The following F8 variants were observed in gnomAD, a reference collection of about 807,000 sequenced individuals.
The protein encoded by F8 is antihemophilic factor.
F8 carries 12 observed loss-of-function variants against 140.6 expected under a neutral mutation model. The ratio of observed to expected loss-of-function variants is 0.09; its 90% CI spans 0.05 to 0.14. F8 has a LOEUF of 0.14. Among genes scored for constraint, F8 ranks in the 10% least tolerant of loss-of-function variants. The pLI is 1.00. For missense variants in F8, 1,354 were observed against 1,720.7 expected, an observed-to-expected ratio of 0.79 and a Z score of 3.77; for synonymous variants, 585 against 614.6, an observed-to-expected ratio of 0.95 and a Z score of 0.71.
chrX:154,971,715 A>C (rs1490272944), intron 6 of F8, among the ~76,000 whole-genome samples: 1 of 111,455 alleles, frequency 9.0e-6, no homozygotes, highest in African/African-American at 3.3e-5. Context: ...TAGAATCACT[A>C]ATCTCAACTA....
chrX:154,976,504 A>ATAG (rs1557282993), intron 6 of F8, among the ~76,000 whole-genome samples: 1 of 110,530 alleles, frequency 9.0e-6, no homozygotes, highest in African/African-American at 3.3e-5. Flanking sequence ...TACATGTGCC[A>ATAG]TGCTGGTGCA....
chrX:154,871,149 T>A (rs2072770978), intron 22 of F8, among the ~76,000 whole-genome samples: 1 of 111,922 alleles, frequency 8.9e-6, no homozygotes, highest in African/African-American at 3.2e-5. Flanking sequence ...TTCAATGCCA[T>A]CTCCATCAAG....
At chrX:154,979,154 T>C (rs1376890007) in intron 6 of F8, among the ~76,000 whole-genome samples, 1 of 111,980 alleles carries the variant, frequency 8.9e-6, no homozygotes, top group Non-Finnish European at 1.9e-5. Flanking sequence ...AGTGGCATGG[T>C]TGATGGCAAT....
At position 154,984,726 on chromosome X, in the gene F8, T is replaced by G; in HGVS notation, c.748A>C (p.Met250Leu). The G allele has an allele frequency of 1.7e-6, 2 of 1,211,167 alleles. No individual in the cohort carries two copies. The highest frequency in any genetic ancestry group is 3.5e-5 in the South Asian group (2 of 56,979). Reference protein sequence around the residue: ...DAASARAWPKMHTVNGYVNRS... With the variant: ...DAASARAWPKLHTVNGYVNRS... Reference sequence around the variant, plus strand: ...TTTACATAACCATTGACTGTGTGCATTTTAGGCCAGGCCCGAGCAGATGCA... The same window carrying G: ...TTTACATAACCATTGACTGTGTGCAGTTTAGGCCAGGCCCGAGCAGATGCA... Residue 250 changes from methionine (M) to leucine (L), a missense_variant, in exon 6 of 26, where the codon ATG becomes CTG. Transcript: ENST00000360256.
intron 3 of F8, 28 bp downstream of exon 3, chrX:154,996,945 C>T: frequency 8.3e-7 from 1 of 1,206,795 alleles, no homozygotes; most frequent in Non-Finnish European, 1.1e-6. Flanking sequence ...CATAGAATGA[C>T]AGGACAATAG....
At chrX:154,877,644 A>ATTTT (rs2072827901) in intron 22 of F8, among the ~76,000 whole-genome samples, 1 of 111,161 alleles carries the variant, frequency 9.0e-6, no homozygotes, top group Non-Finnish European at 1.9e-5. Flanking sequence ...AGGCGACCGA[A>ATTTT]AAAGGATCCT....
At chrX:154,956,018 C>A (rs998466414) in intron 11 of F8, among the ~76,000 whole-genome samples, 2 of 111,764 alleles carry the variant, frequency 1.8e-5, no homozygotes, top group African/African-American at 6.5e-5. Context: ...ACTCCCAGAG[C>A]GGCCATTTTA....
intron 25 of F8, among the ~76,000 whole-genome samples, chrX:154,846,490 T>A (rs1489378178): frequency 8.0e-5 from 9 of 112,207 alleles, no homozygotes; most frequent in African/African-American, 2.6e-4. Flanking sequence ...ATATATATTT[T>A]GGATAGTTAG....
In F8 at chrX:154,957,137, T is replaced by C; in HGVS notation, c.1572A>G (p.Pro524=). ...VKHLKDFPIL[P]GEIFKYKWTV... ...TCCATTTATATTTGAATATTTCTCCTGGCAGAATTGGAAAATCCTTCAAAT... is the reference window on the plus strand; with the variant it reads ...TCCATTTATATTTGAATATTTCTCCCGGCAGAATTGGAAAATCCTTCAAAT... The change falls in exon 11 of 26, where the codon CCA becomes CCG. Residue 524 remains proline (P), a synonymous_variant. Transcript: ENST00000360256. 1.7e-6 allele frequency: 2 copies of C among 1,210,845 alleles called. No individual in the cohort carries two copies. Among genetic ancestry groups the C allele is most frequent in the Non-Finnish European group, 2.2e-6 (2 of 895,029 alleles).
chrX:154,874,296 T>C (rs1200317624), intron 22 of F8, among the ~76,000 whole-genome samples: 1 of 112,896 alleles, frequency 8.9e-6, no homozygotes, highest in Non-Finnish European at 1.9e-5. Context: ...TGTCTTAGTC[T>C]GTTATGGACT....
At chrX:154,960,771 G>A (rs1557281535) in intron 10 of F8, among the ~76,000 whole-genome samples, 1 of 111,676 alleles carries the variant, frequency 9.0e-6, no homozygotes, top group African/African-American at 3.3e-5. Context: ...AGAAGAACCA[G>A]CTTCAAGATT....
At chrX:154,918,569 G>A (rs2084519508) in intron 14 of F8, among the ~76,000 whole-genome samples, 1 of 108,221 alleles carries the variant, frequency 9.2e-6, no homozygotes, top group Non-Finnish European at 1.9e-5. Context: ...TGGCAGCTTG[G>A]GAAGGGGATG....
intron 14 of F8, among the ~76,000 whole-genome samples, chrX:154,916,491 G>A (rs890153881): frequency 2.7e-5 from 3 of 111,753 alleles, no homozygotes; most frequent in African/African-American, 9.7e-5. Flanking sequence ...TTATTGGTCT[G>A]CTCAAGTTTT....
chrX:154,891,175 T>G (rs782485505), intron 22 of F8, among the ~76,000 whole-genome samples: 1 of 112,678 alleles, frequency 8.9e-6, no homozygotes, highest in Non-Finnish European at 1.9e-5. Context: ...GTCAGGGAAA[T>G]CTGCCAATGC....
intron 14 of F8, among the ~76,000 whole-genome samples, chrX:154,913,729 CA>C (rs1557276912): frequency 8.9e-6 from 1 of 112,951 alleles, no homozygotes; most frequent in Non-Finnish European, 1.9e-5. Flanking sequence ...CACCCTGATA[CA>C]AAAGGCAGGC....
At chrX:155,011,028 C>G (rs1465925466) in intron 1 of F8, among the ~76,000 whole-genome samples, 1 of 111,966 alleles carries the variant, frequency 8.9e-6, no homozygotes, top group Non-Finnish European at 1.9e-5. Context: ...AAAATACAAG[C>G]AACCAAAGGG....
chrX:154,938,934 T>C (rs1350827857), intron 13 of F8, among the ~76,000 whole-genome samples: 1 of 110,845 alleles, frequency 9.0e-6, no homozygotes, highest in Non-Finnish European at 1.9e-5. Flanking sequence ...AATAATAATG[T>C]CTTATGGGGT....
chrX:154,923,669 T>C (rs1389676105), intron 14 of F8, among the ~76,000 whole-genome samples: 4 of 112,438 alleles, frequency 3.6e-5, no homozygotes, highest in Non-Finnish European at 7.5e-5. Context: ...ACCCCATCTC[T>C]ACTAAAAATA....
rs782359293 is a variant in F8 at position 154,863,185 on chromosome X, T to C, written c.6472A>G (p.Ile2158Val). The C allele has an allele frequency of 1.7e-6, 2 of 1,208,378 alleles. No individual in the cohort carries two copies. Among genetic ancestry groups the C allele is most frequent in the Admixed American group, 4.3e-5 (2 of 46,043 alleles). ...CGAGCAATAATTGGAGGGTTAAAAA[T>C]ATTGTGTTTTATCCCAGATGAATCC... is the stretch of plus-strand genomic sequence containing the variant. ...NVDSSGIKHN[I>V]FNPPIIARYI... Residue 2158 changes from isoleucine to valine, a missense_variant, in exon 23 of 26, where the codon ATT (isoleucine) becomes GTT (valine). Around this residue, in one of 4 missense-constraint regions of F8, gnomAD observed 316 missense variants for 485.4 expected, o/e 0.65. Transcript: ENST00000360256.
Sources: allele counts gnomAD v4.1 joint callset (sites outside exome capture counted in the v4.1 genomes callset), GRCh38; gene constraint gnomAD v4.1.1; regional missense constraint gnomAD v4.1.1; transcripts MANE v1.5; gene names NCBI Gene and HGNC (gene_info 2026-07-23, HGNC 2026-07-21).